SGK3: variants seen among roughly 807,000 people sequenced by gnomAD.
SGK3 encodes the protein serine/threonine-protein kinase Sgk3.
In SGK3, 47 loss-of-function variants were observed where a neutral mutation model predicts 68.5. The ratio of observed to expected loss-of-function variants is 0.69; its 90% CI spans 0.54 to 0.87. The LOEUF (loss-of-function observed/expected upper bound fraction) is 0.87, where lower values mean the gene tolerates loss of function less well. SGK3 is among the 40% of genes least tolerant of loss of function. The pLI, the probability that SGK3 is intolerant of heterozygous loss-of-function variation, is 0.00. For missense variants in SGK3, 479 were observed against 575.5 expected (o/e 0.83, Z 1.72); for synonymous variants, 181 against 189.1 (o/e 0.96, Z 0.35).
intron 1 of SGK3, among the ~76,000 whole-genome samples, chr8:66,774,317 A>G (rs549571353): frequency 2.0e-5 from 3 of 151,990 alleles, no homozygotes; most frequent in Admixed American, 2.0e-4. Context: ...TTTCCCTGCC[A>G]TATTCATTAG....
At chr8:66,718,341 A>G (rs1197516109) in intron 1 of SGK3, among the ~76,000 whole-genome samples, 5 of 151,768 alleles carry the variant, frequency 3.3e-5, no homozygotes, top group African/African-American at 1.2e-4. Context: ...CCTATTTTCT[A>G]ACCAAAAATA....
intron 1 of SGK3, chr8:66,790,939 G>A (rs908717024): frequency 6.6e-6 from 1 of 152,208 alleles, no homozygotes; most frequent in Admixed American, 6.5e-5. Flanking sequence ...TGTTTCCTGG[G>A]GTCATTCTTG....
chr8:66,792,197 C>T (rs1807488100), intron 1 of SGK3, among the ~76,000 whole-genome samples: 1 of 151,918 alleles, frequency 6.6e-6, no homozygotes. Flanking sequence ...GGCGTGGTGG[C>T]ACGTGCCCGT....
In SGK3 at chr8:66,859,703, A is replaced by G; in HGVS notation, c.*122A>G. The G allele has an allele frequency of 1.7e-6, 2 of 1,153,188 alleles. No homozygotes were observed. The highest frequency in any genetic ancestry group is 2.3e-6 in the Non-Finnish European group (2 of 880,506). The allele number at this position is 1,153,188 out of a possible 1,614,324, so 71.4% of individuals were successfully genotyped here. Reference sequence around the variant, plus strand: ...CCTCATTTTTATATGTAATGATGAAAACTATGAAAAAATGTATTTTCTTCT... The same window carrying G: ...CCTCATTTTTATATGTAATGATGAAGACTATGAAAAAATGTATTTTCTTCT... On this transcript the variant is annotated 3_prime_UTR_variant, in exon 17 of 17. Coordinates refer to ENST00000521198, the MANE Select transcript of SGK3 (RefSeq NM_001033578.3).
At chr8:66,772,305 C>G (rs1585693440) in intron 1 of SGK3, among the ~76,000 whole-genome samples, 1 of 150,178 alleles carries the variant, frequency 6.7e-6, no homozygotes, top group Admixed American at 6.6e-5. Context: ...TGCGGCTGCT[C>G]TCGAACACCA....
At chr8:66,790,695 T>C (rs1237270853) in intron 1 of SGK3, 1 of 152,216 alleles carries the variant, frequency 6.6e-6, no homozygotes, top group Non-Finnish European at 1.5e-5. Flanking sequence ...AACTTTGTCA[T>C]TTGCTTTGTG....
intron 3 of SGK3, among the ~76,000 whole-genome samples, chr8:66,800,656 A>C (rs1172632050): frequency 3.9e-5 from 6 of 152,044 alleles, no homozygotes; most frequent in Non-Finnish European, 8.8e-5. Context: ...TGAAAATTAG[A>C]TTTCTGATTC....
chr8:66,753,500 T>C (rs545791767), intron 1 of SGK3, among the ~76,000 whole-genome samples: 3 of 152,256 alleles, frequency 2.0e-5, no homozygotes, highest in African/African-American at 7.2e-5. Context: ...CTCTGTATTA[T>C]ATACTTTCCC....
intron 15 of SGK3, among the ~76,000 whole-genome samples, chr8:66,848,073 G>C (rs1810108254): frequency 6.6e-6 from 1 of 152,062 alleles, no homozygotes; most frequent in African/African-American, 2.4e-5. Context: ...TATCAATTTT[G>C]AACTTGAGCT....
At chr8:66,852,129 A>T (rs1810315390) in intron 16 of SGK3, among the ~76,000 whole-genome samples, 1 of 152,098 alleles carries the variant, frequency 6.6e-6, no homozygotes, top group African/African-American at 2.4e-5. Context: ...GGTAATTACA[A>T]TTTTTGTGAC....
At chr8:66,805,257 C>T (rs7003330) in intron 4 of SGK3, among the ~76,000 whole-genome samples, 3,100 of 152,128 alleles carry the variant, frequency 0.02, 111 homozygotes, top group African/African-American at 0.069. Context: ...CGGTGGCTCA[C>T]GCCTGTAATC....
chr8:66,750,868 T>C (rs963570677), intron 1 of SGK3, among the ~76,000 whole-genome samples: 4 of 151,314 alleles, frequency 2.6e-5, no homozygotes, highest in Non-Finnish European at 5.9e-5. Context: ...TAGCCAGGCA[T>C]GGTGATGGTG....
At chr8:66,789,545 G>A (rs1214487117) in intron 1 of SGK3, among the ~76,000 whole-genome samples, 17 of 152,268 alleles carry the variant, frequency 1.1e-4, no homozygotes, top group Non-Finnish European at 2.9e-5. Flanking sequence ...TGGTCCTATT[G>A]GACCCACTGT....
At chr8:66,828,272 T>C (rs1243911161) in intron 6 of SGK3, among the ~76,000 whole-genome samples, 2 of 152,148 alleles carry the variant, frequency 1.3e-5, no homozygotes, top group African/African-American at 4.8e-5. Flanking sequence ...TGATAAACTG[T>C]TTGAAAACTT....
In SGK3 at chr8:66,790,473, A is replaced by G. The variant is rs561475818; in HGVS notation, c.-121-3143A>G. Among the ~76,000 whole-genome samples, 5 of 152,336 alleles carry G rather than the reference A, an allele frequency of 3.3e-5. No homozygotes were observed. The East Asian group carries it at 5.8e-4, about 18-fold the overall frequency. On this transcript the variant is annotated intron_variant, in intron 1 of 16. Coordinates refer to ENST00000521198, the MANE Select transcript of SGK3 (RefSeq NM_001033578.3). Reference sequence around the variant, plus strand: ...CATCTATGCCTACCCAAGTACCTACATGTAGGATTCAAGTCATTGTCCTTT... The same window carrying G: ...CATCTATGCCTACCCAAGTACCTACGTGTAGGATTCAAGTCATTGTCCTTT...
Position 66,841,120 on chromosome 8 carries a change from A to G in SGK3, c.978+10A>G. On this transcript the variant is annotated intron_variant, in intron 13 of 16. Transcript: ENST00000521198. ...TTGTGGGACACCAGAGGTAAGAAAT[A>G]TATCTCATTGTCATTTATATAATCA... is the stretch of plus-strand genomic sequence containing the variant. The G allele has an allele frequency of 1.9e-6, 3 of 1,565,782 alleles. No homozygotes were observed. Among genetic ancestry groups the G allele is most frequent in the African/African-American group, 1.4e-5 (1 of 72,440 alleles).
intron 1 of SGK3, among the ~76,000 whole-genome samples, chr8:66,782,660 G>T (rs1378420765): frequency 6.6e-6 from 1 of 152,182 alleles, no homozygotes; most frequent in East Asian, 1.9e-4. Context: ...GCCCCTGGCA[G>T]CTGCTGATCT....
At chr8:66,799,745 T>C (rs542910101) in intron 3 of SGK3, among the ~76,000 whole-genome samples, 2 of 152,254 alleles carry the variant, frequency 1.3e-5, no homozygotes, top group Admixed American at 6.5e-5. Flanking sequence ...CCTCAGTCTC[T>C]CAAGTAGCTG....
chr8:66,812,447 C>G (rs919799042), intron 4 of SGK3, among the ~76,000 whole-genome samples: 4 of 151,732 alleles, frequency 2.6e-5, no homozygotes, highest in African/African-American at 9.7e-5. Flanking sequence ...ATCCCAGCTA[C>G]TCGGGAGGCT....
Sources: gnomAD v4.1 joint callset for allele counts (sites outside exome capture counted in the v4.1 genomes callset) on GRCh38, gnomAD v4.1.1 for gene constraint, MANE v1.5 for transcripts, NCBI Gene and HGNC (gene_info 2026-07-23, HGNC 2026-07-21) for gene names.